The following ANLN variants were observed in gnomAD, a reference collection of about 807,000 sequenced individuals.
ANLN encodes the protein anillin, actin binding protein.
A neutral mutation model predicts 135.1 loss-of-function variants in ANLN; 59 were observed. The ratio of observed to expected loss-of-function variants is 0.44; its 90% confidence interval spans 0.35 to 0.54. The LOEUF (loss-of-function observed/expected upper bound fraction) is 0.54. Ranked by LOEUF, ANLN falls within the 20% of genes least tolerant of loss-of-function variation. The pLI, the probability that ANLN is intolerant of heterozygous loss-of-function variation, is 0.00. For missense variants in ANLN, 1,182 were observed against 1,340.0 expected, an observed-to-expected ratio of 0.88 and a Z score of 1.84; for synonymous variants, 406 against 456.4, an observed-to-expected ratio of 0.89 and a Z score of 1.41.
intron 3 of ANLN, among the ~76,000 whole-genome samples, chr7:36,403,965 ATGTTTGTT>A (rs534079703): frequency 2.0e-5 from 3 of 151,230 alleles, no homozygotes; most frequent in Non-Finnish European, 4.4e-5. Flanking sequence ...CCTTGCCGGG[ATGTTTGTT>A]TGTTTGTTTG....
intron 1 of ANLN, among the ~76,000 whole-genome samples, chr7:36,392,422 T>C (rs1583585354): frequency 6.6e-6 from 1 of 150,666 alleles, no homozygotes; most frequent in South Asian, 2.1e-4. Context: ...TTGGGGTGTA[T>C]GTGGCAAAAG....
intron 22 of ANLN, among the ~76,000 whole-genome samples, chr7:36,444,249 C>G (rs1788897176): frequency 6.6e-6 from 1 of 150,520 alleles, no homozygotes; most frequent in Admixed American, 6.6e-5. Context: ...GAGATCACGC[C>G]ACGGCACTCC....
At chr7:36,422,028 T>C in intron 13 of ANLN, 36 bp downstream of exon 13, 1 of 1,590,082 alleles carries the variant, frequency 6.3e-7, no homozygotes, top group South Asian at 1.2e-5. Flanking sequence ...TCCAACAAAT[T>C]TCTAACCAGG....
chr7:36,420,848 G>A, intron 12 of ANLN, 104 bp downstream of exon 12: 1 of 1,191,426 alleles, frequency 8.4e-7, no homozygotes. Context: ...ACCCTGAGTG[G>A]CCAGAATAGT....
chr7:36,401,877 C>A (rs566486177), intron 3 of ANLN, among the ~76,000 whole-genome samples: 1 of 118,066 alleles, frequency 8.5e-6, no homozygotes, highest in East Asian at 2.2e-4. Context: ...CATGTCAATT[C>A]ATCATTGCCA....
chr7:36,453,366 G>A lies in ANLN; in HGVS notation c.*766G>A, dbSNP rs1789322632. On this transcript the variant is annotated 3_prime_UTR_variant, in exon 24 of 24. Transcript: ENST00000265748. ...ATTAGTTTTTTCTACTCCTACAAGT[G>A]TAAATTGAAAAATCTTTATATTAAA... The A allele has an allele frequency of 2.6e-5, 4 of 152,134 alleles. No homozygotes were observed. The highest frequency in any genetic ancestry group is 9.7e-5 in the African/African-American group (4 of 41,430). 9.4% of individuals were successfully genotyped at this position (152,134 alleles called of 1,614,324 possible). A position where few individuals can be genotyped will look rare whatever the true frequency, so the allele number is the denominator to read the frequency against.
chr7:36,435,595 C>G (rs904023524), intron 20 of ANLN, among the ~76,000 whole-genome samples: 4 of 151,964 alleles, frequency 2.6e-5, no homozygotes, highest in Admixed American at 2.6e-4. Context: ...TATCCATGGC[C>G]GGGCGCGGTG....
chr7:36,402,676 C>T (rs1172010929), intron 3 of ANLN, among the ~76,000 whole-genome samples: 3 of 152,142 alleles, frequency 2.0e-5, no homozygotes, highest in African/African-American at 7.2e-5. Flanking sequence ...TTGCTTTAAA[C>T]ACCAGAATAG....
intron 6 of ANLN, 144 bp downstream of exon 6, chr7:36,410,848 C>A: frequency 3.2e-6 from 3 of 952,268 alleles, no homozygotes; most frequent in Non-Finnish European, 4.7e-6. Flanking sequence ...CAAGATTGGG[C>A]ACATTCAGGG....
At chr7:36,410,454 T>C in intron 5 of ANLN, 60 bp from the exon 6 acceptor site, 1 of 1,430,602 alleles carries the variant, frequency 7.0e-7, no homozygotes. Context: ...ACTTTTTCCA[T>C]AGAAATCGTA....
rs1259813879 is a variant in ANLN at position 36,425,800 on chromosome 7, T to C, written c.2748+60T>C. On this transcript the variant is annotated intron_variant, in intron 18 of 23. Coordinates refer to ENST00000265748, the MANE Select transcript of ANLN (RefSeq NM_018685.5). ...AGAAATCTTCATCTTACCCATACAGTTTTAAATTGGTTAACCATTTCTGAA... is the reference window on the plus strand; with the variant it reads ...AGAAATCTTCATCTTACCCATACAGCTTTAAATTGGTTAACCATTTCTGAA... 4 of 1,526,466 alleles carry C rather than the reference T, an allele frequency of 2.6e-6. No homozygotes were observed. The African/African-American group carries it at 5.5e-5, about 21-fold the overall frequency. 94.6% of individuals were successfully genotyped at this position (1,526,466 alleles called of 1,614,324 possible). A position where few individuals can be genotyped will look rare whatever the true frequency, so the allele number is the denominator to read the frequency against.
In ANLN at chr7:36,415,745, T is replaced by C; in HGVS notation, c.1396-13T>C. The C allele has an allele frequency of 6.4e-7, 1 of 1,568,296 alleles. No individual in the cohort carries two copies. Among genetic ancestry groups the C allele is most frequent in the Non-Finnish European group, 8.6e-7 (1 of 1,165,338 alleles). On this transcript the variant is annotated splice_polypyrimidine_tract_variant and intron_variant, in intron 7 of 23. Transcript: ENST00000265748. Reference sequence around the variant, plus strand: ...TTGAGAAATAAAATTTACTTTTCATTCGCTTTTTGCAGGAAACTCACTGTC... The same window carrying C: ...TTGAGAAATAAAATTTACTTTTCATCCGCTTTTTGCAGGAAACTCACTGTC...
chr7:36,401,757 A>G (rs1786963085), intron 3 of ANLN, among the ~76,000 whole-genome samples: 3 of 112,946 alleles, frequency 2.7e-5, no homozygotes, highest in Admixed American at 1.6e-4. Flanking sequence ...ACACTGGACA[A>G]GATAGAGAAA....
Position 36,439,271 on chromosome 7 carries a change from T to A in ANLN, c.2951T>A (p.Val984Asp), listed in dbSNP as rs773312650. 1 of 1,581,824 alleles carries A rather than the reference T, an allele frequency of 6.3e-7. No homozygotes were observed. Among genetic ancestry groups the A allele is most frequent in the African/African-American group, 1.4e-5 (1 of 73,972 alleles). ...LKIKCQVNSS[V>D]EERGFLTIFE... ...ATAAAATGTCAAGTGAATTCCAGTG[T>A]TGAAGAAAGAGGTTTTCTAGTAAGT... The change falls in exon 21 of 24, where the codon GTT (valine) becomes GAT (aspartate). Residue 984 changes from valine (V) to aspartate (D), a missense_variant. Val to Asp is a radical substitution (Grantham distance 152). Transcript: ENST00000265748.
At chr7:36,441,382 T>A (rs1033921627) in intron 21 of ANLN, among the ~76,000 whole-genome samples, 2 of 152,220 alleles carry the variant, frequency 1.3e-5, no homozygotes, top group Non-Finnish European at 2.9e-5. Context: ...CGACATAACT[T>A]CTGTCCTCTG....
intron 1 of ANLN, among the ~76,000 whole-genome samples, chr7:36,393,335 A>G (rs952819318): frequency 6.6e-6 from 1 of 152,222 alleles, no homozygotes; most frequent in African/African-American, 2.4e-5. Flanking sequence ...AGACTTTCTT[A>G]TAAAGGCTTA....
chr7:36,399,588 T>C (rs918800608), intron 3 of ANLN, among the ~76,000 whole-genome samples, 195 bp downstream of exon 3: 1 of 152,230 alleles, frequency 6.6e-6, no homozygotes, highest in African/African-American at 2.4e-5. Flanking sequence ...TAGATCACGA[T>C]GTGGTTCTTG....
intron 20 of ANLN, among the ~76,000 whole-genome samples, chr7:36,431,032 C>T (rs1788289634): frequency 6.6e-6 from 1 of 152,142 alleles, no homozygotes; most frequent in Non-Finnish European, 1.5e-5. Context: ...TACTTTTCCT[C>T]AGCTACAGAG....
chr7:36,449,456 A>G, intron 22 of ANLN: 1 of 424,164 alleles, frequency 2.4e-6, no homozygotes, highest in South Asian at 4.3e-5. Context: ...GGCAAGAGCT[A>G]CCAGTTGATA....
Sources: gnomAD v4.1 joint callset for allele counts (sites outside exome capture counted in the v4.1 genomes callset) on GRCh38, gnomAD v4.1.1 for gene constraint, MANE v1.5 for transcripts, NCBI Gene and HGNC (gene_info 2026-07-23, HGNC 2026-07-21) for gene names.